Variants in ABI3BP observed in about 807,000 individuals in gnomAD.
ABI3BP encodes target of Nesh-SH3.
In ABI3BP, 216 loss-of-function variants were observed where a neutral mutation model predicts 268.6. The ratio of observed to expected loss-of-function variants is 0.80; its 90% confidence interval spans 0.72 to 0.90. The LOEUF (loss-of-function observed/expected upper bound fraction) is 0.90, where lower values mean the gene tolerates loss of function less well. Ranked by LOEUF, ABI3BP falls within the 40% of genes least tolerant of loss-of-function variation. The probability of loss-of-function intolerance (pLI) is 0.00; values close to 1 mark genes in which losing one functional copy is unlikely to be tolerated. For missense variants in ABI3BP, 2,090 were observed against 2,182.4 expected, an observed-to-expected ratio of 0.96 and a Z score of 0.84; for synonymous variants, 730 against 730.0, an observed-to-expected ratio of 1.00 and a Z score of 0.00.
chr3:100,965,440 G>A (rs1243880618), intron 1 of ABI3BP, among the ~76,000 whole-genome samples: 1 of 151,000 alleles, frequency 6.6e-6, no homozygotes, highest in Non-Finnish European at 1.5e-5. Flanking sequence ...CTAAACCAAA[G>A]TACATCCTAT....
Position 100,849,251 on chromosome 3 carries a change from G to T in ABI3BP, c.1502-376C>A, listed in dbSNP as rs569613186. On this transcript the variant is annotated intron_variant, in intron 17 of 67. Transcript: ENST00000471714. ...TTTTTTTTTTTTTTTTTTGGAGACA[G>T]AGTCTCACTCTGTCACCCAGGCTGG... Among the ~76,000 whole-genome samples the T allele has an allele frequency of 1.8e-4, 24 of 132,462 alleles. No individual in the cohort carries two copies. The East Asian group carries it at 4.6e-3, about 25-fold the overall frequency. 86.9% of individuals were successfully genotyped at this position (132,462 alleles called of 152,430 possible).
Position 100,851,926 on chromosome 3 carries a change from A to C in ABI3BP, c.1300T>G (p.Phe434Val). Residue 434 changes from phenylalanine to valine, a missense_variant, in exon 15 of 68, where the codon TTC (phenylalanine) becomes GTC (valine). Coordinates refer to ENST00000471714, the MANE Select transcript of ABI3BP (RefSeq NM_001375547.2). ...TCATCTGATGTTGTAGGGCTTGAGA[A>C]AACATCATAAGTTGCTTAAAAAAAA... ...LQPQTATYDV[F>V]SSPTTSDEPE... 6.3e-7 allele frequency: 1 copy of C among 1,574,844 alleles called. No homozygotes were observed.
chr3:100,855,942 A>G (rs765671051), intron 14 of ABI3BP, among the ~76,000 whole-genome samples: 2 of 152,248 alleles, frequency 1.3e-5, no homozygotes, highest in Non-Finnish European at 2.9e-5. Context: ...ATTGCCTGCA[A>G]GAAAATATTC....
At chr3:100,876,825 C>A (rs1390660731) in intron 6 of ABI3BP, among the ~76,000 whole-genome samples, 3 of 147,298 alleles carry the variant, frequency 2.0e-5, no homozygotes, top group African/African-American at 2.5e-5. Context: ...ACTAAAAATA[C>A]AAAAAAAAAA....
At chr3:100,798,833 A>C (rs1040570610) in intron 51 of ABI3BP, among the ~76,000 whole-genome samples, 3 of 152,200 alleles carry the variant, frequency 2.0e-5, no homozygotes, top group Admixed American at 6.5e-5. Flanking sequence ...TTCTCTTAAA[A>C]AAGTAAGACA....
At chr3:100,799,719 C>T (rs537244499) in intron 51 of ABI3BP, among the ~76,000 whole-genome samples, 1 of 152,244 alleles carries the variant, frequency 6.6e-6, no homozygotes, top group South Asian at 2.1e-4. Context: ...TGTGCCTACT[C>T]CTTGAATATA....
chr3:100,861,179 T>C (rs2098994399), intron 14 of ABI3BP, among the ~76,000 whole-genome samples: 1 of 152,190 alleles, frequency 6.6e-6, no homozygotes, highest in Admixed American at 6.5e-5. Context: ...ATGGCCAACT[T>C]TCAAGTGTGT....
intron 59 of ABI3BP, 47 bp from the exon 60 acceptor site, chr3:100,775,382 A>C: frequency 6.4e-7 from 1 of 1,560,944 alleles, no homozygotes; most frequent in Non-Finnish European, 8.7e-7. Context: ...AACACTGCCA[A>C]GTTTCCTATA....
chr3:100,771,042 G>A, intron 61 of ABI3BP, 90 bp from the exon 62 acceptor site: 1 of 1,162,278 alleles, frequency 8.6e-7, no homozygotes. Flanking sequence ...GAGGACATTT[G>A]GTCTCATATT....
At chr3:100,796,749 G>A (rs2097357451) in intron 51 of ABI3BP, among the ~76,000 whole-genome samples, 1 of 152,072 alleles carries the variant, frequency 6.6e-6, no homozygotes, top group Non-Finnish European at 1.5e-5. Context: ...ATTAAACAAT[G>A]AGGTAGAGCT....
chr3:100,959,647 T>C (rs1203764773), intron 1 of ABI3BP, among the ~76,000 whole-genome samples: 2 of 152,106 alleles, frequency 1.3e-5, no homozygotes, highest in African/African-American at 4.8e-5. Context: ...AACCTTCTTT[T>C]GGTTGTAGGC....
At chr3:100,822,449 C>T (rs2098258348) in intron 38 of ABI3BP, 140 bp downstream of exon 38, 7 of 646,370 alleles carry the variant, frequency 1.1e-5, no homozygotes, top group East Asian at 2.7e-5. Context: ...TACATCTTCA[C>T]AGTGGGATCT....
intron 1 of ABI3BP, among the ~76,000 whole-genome samples, chr3:100,931,606 G>A (rs1232098632): frequency 6.6e-6 from 1 of 151,668 alleles, no homozygotes; most frequent in East Asian, 1.9e-4. Context: ...ATTCACAATA[G>A]CCACACACAC....
Position 100,794,936 on chromosome 3 carries a change from T to C in ABI3BP, c.3933A>G (p.Leu1311=), listed in dbSNP as rs375225241. ...AACGAAATTTACCCAGAGTGGTCTG[T>C]AGTTCCTCTTGACTAGGACTTGGGG... is the stretch of plus-strand genomic sequence containing the variant. ...MISPSPSQEE[L]QTTLEETDQS... The change falls in exon 54 of 68, where the codon CTA becomes CTG. Residue 1311 remains leucine, a synonymous_variant. Transcript: ENST00000471714. 1.2e-4 allele frequency: 181 copies of C among 1,568,798 alleles called. No homozygotes were observed. Among genetic ancestry groups the C allele is most frequent in the Non-Finnish European group, 1.4e-4 (159 of 1,156,034 alleles).
chr3:100,976,547 C>A (rs1050002632), intron 1 of ABI3BP, among the ~76,000 whole-genome samples: 2 of 152,124 alleles, frequency 1.3e-5, no homozygotes, highest in Admixed American at 1.3e-4. Context: ...GGATGGTAAC[C>A]ATTTTTCTTC....
At chr3:100,773,684 A>G (rs2096619944) in intron 61 of ABI3BP, among the ~76,000 whole-genome samples, 1 of 152,252 alleles carries the variant, frequency 6.6e-6, no homozygotes, top group Non-Finnish European at 1.5e-5. Context: ...TAAAAGAAAT[A>G]CCAATGCCAC....
chr3:100,961,470 G>A (rs2079066366), intron 1 of ABI3BP, among the ~76,000 whole-genome samples: 1 of 152,164 alleles, frequency 6.6e-6, no homozygotes, highest in African/African-American at 2.4e-5. Flanking sequence ...CAGCATGAGA[G>A]GGATGGTCAG....
chr3:100,849,997 T>C, intron 17 of ABI3BP, 48 bp downstream of exon 17: 3 of 1,501,100 alleles, frequency 2.0e-6, no homozygotes, highest in Non-Finnish European at 2.8e-6. Context: ...CTTCTCACAT[T>C]ACCTGTTTCG....
chr3:100,878,516 C>G (rs530555986), intron 6 of ABI3BP, among the ~76,000 whole-genome samples: 1 of 152,096 alleles, frequency 6.6e-6, no homozygotes, highest in Non-Finnish European at 1.5e-5. Context: ...AGAGGAATGA[C>G]GCAGATATAA....
Sources: allele counts gnomAD v4.1 joint callset (sites outside exome capture counted in the v4.1 genomes callset), GRCh38; gene constraint gnomAD v4.1.1; transcripts MANE v1.5; gene names NCBI Gene and HGNC (gene_info 2026-07-23, HGNC 2026-07-21).